GPATCH2: variants seen among roughly 807,000 people sequenced by gnomAD.
GPATCH2 encodes the protein G patch domain-containing protein 2.
In GPATCH2, 51 loss-of-function variants were observed where a neutral mutation model predicts 58.0. That is an observed-to-expected ratio of 0.88 (90% CI 0.70 to 1.11). GPATCH2 has a LOEUF of 1.11. Ranked by LOEUF, GPATCH2 falls within the 50% of genes most tolerant of loss-of-function variation. The pLI is 0.00. For missense variants in GPATCH2, 625 were observed against 652.2 expected, an observed-to-expected ratio of 0.96 and a Z score of 0.45; for synonymous variants, 222 against 218.5, an observed-to-expected ratio of 1.02 and a Z score of -0.14.
intron 5 of GPATCH2, among the ~76,000 whole-genome samples, chr1:217,553,619 A>G (rs1665466624): frequency 6.6e-6 from 1 of 152,164 alleles, no homozygotes; most frequent in Non-Finnish European, 1.5e-5. Context: ...TTTTTTGTAT[A>G]GTCTACATTA....
At chr1:217,610,224 C>T (rs745407661) in intron 5 of GPATCH2, 97 bp downstream of exon 5, 7 of 1,549,396 alleles carry the variant, frequency 4.5e-6, no homozygotes, top group Non-Finnish European at 6.2e-6. Flanking sequence ...TTAAGTTTAA[C>T]ATTAGAATAT....
intron 5 of GPATCH2, among the ~76,000 whole-genome samples, chr1:217,593,159 A>C (rs1444273141): frequency 6.6e-6 from 1 of 152,066 alleles, no homozygotes; most frequent in African/African-American, 2.4e-5. Context: ...TCTTAACTAG[A>C]AAAATGACTC....
At chr1:217,490,274 T>G (rs889263731) in intron 8 of GPATCH2, among the ~76,000 whole-genome samples, 3 of 152,214 alleles carry the variant, frequency 2.0e-5, no homozygotes, top group Non-Finnish European at 4.4e-5. Flanking sequence ...ATAATTTGCC[T>G]TTTCTCTTGA....
At chr1:217,552,430 T>C (rs1571906244) in intron 5 of GPATCH2, among the ~76,000 whole-genome samples, 2 of 152,270 alleles carry the variant, frequency 1.3e-5, no homozygotes, top group Middle Eastern at 3.4e-3. Flanking sequence ...AATTCAATAC[T>C]GGTTTACCTG....
chr1:217,477,433 T>C (rs1332053031), intron 8 of GPATCH2, among the ~76,000 whole-genome samples: 1 of 152,078 alleles, frequency 6.6e-6, no homozygotes, highest in African/African-American at 2.4e-5. Flanking sequence ...GGTCCCTGAT[T>C]CCAGAACTTG....
At chr1:217,472,647 T>C (rs571621421) in intron 8 of GPATCH2, among the ~76,000 whole-genome samples, 8 of 152,216 alleles carry the variant, frequency 5.3e-5, no homozygotes, top group Non-Finnish European at 1.2e-4. Context: ...TTTCTGGTGC[T>C]AACCAAAGGT....
At chr1:217,597,155 G>A (rs1469150919) in intron 5 of GPATCH2, among the ~76,000 whole-genome samples, 1 of 148,994 alleles carries the variant, frequency 6.7e-6, no homozygotes. Flanking sequence ...CAAGACCCCT[G>A]TCCCTACCAA....
rs140254548 is a variant in GPATCH2, at chr1:217,546,663, A to C, written c.1099-31774T>G. On this transcript the variant is annotated intron_variant, in intron 5 of 9. Transcript: ENST00000366935. The stretch of plus-strand genomic sequence containing the variant: ...ACATAAAAACTCTGGAAGACAACCT[A>C]AGCAATACTATTCAGGACATAGCCA... 6.6e-5 allele frequency among the ~76,000 whole-genome samples: 10 copies of C among 152,364 alleles called. No individual in the cohort carries two copies. In the East Asian group the frequency reaches 1.5e-3, roughly 24 times the overall value.
intron 8 of GPATCH2, among the ~76,000 whole-genome samples, chr1:217,466,149 G>GA (rs1345656343): frequency 1.3e-5 from 2 of 152,068 alleles, no homozygotes; most frequent in East Asian, 3.9e-4. Flanking sequence ...ACTTCCAGAG[G>GA]AAAAAACTAG....
intron 5 of GPATCH2, among the ~76,000 whole-genome samples, chr1:217,567,434 T>C (rs1169212666): frequency 2.0e-5 from 3 of 152,234 alleles, no homozygotes; most frequent in South Asian, 2.1e-4. Context: ...ATTAATGTAA[T>C]GTCTTATACA....
intron 8 of GPATCH2, among the ~76,000 whole-genome samples, chr1:217,481,148 C>T (rs1228415118): frequency 6.6e-6 from 1 of 152,108 alleles, no homozygotes; most frequent in South Asian, 2.1e-4. Flanking sequence ...TTTAAAATAA[C>T]AAGTCTAACT....
At chr1:217,452,212 C>A (rs1171764682) in intron 8 of GPATCH2, among the ~76,000 whole-genome samples, 1 of 152,200 alleles carries the variant, frequency 6.6e-6, no homozygotes, top group Non-Finnish European at 1.5e-5. Context: ...ATAGTTCAGA[C>A]ACTCACTTCC....
intron 5 of GPATCH2, among the ~76,000 whole-genome samples, chr1:217,534,170 C>T (rs971743332): frequency 2.6e-5 from 4 of 152,088 alleles, no homozygotes; most frequent in Non-Finnish European, 5.9e-5. Context: ...GAGCCAAGAT[C>T]ACGCCACTGC....
intron 8 of GPATCH2, among the ~76,000 whole-genome samples, chr1:217,469,957 G>C (rs544251738): frequency 3.3e-5 from 5 of 152,168 alleles, no homozygotes; most frequent in African/African-American, 9.6e-5. Context: ...TGTTTGTTTT[G>C]GGAAATATTC....
At chr1:217,546,339 C>T (rs914531220) in intron 5 of GPATCH2, among the ~76,000 whole-genome samples, 4 of 152,120 alleles carry the variant, frequency 2.6e-5, no homozygotes, top group Non-Finnish European at 5.9e-5. Flanking sequence ...CTGGAGACAT[C>T]ACACTACCCA....
chr1:217,432,507 G>A (rs1658589976), intron 9 of GPATCH2, among the ~76,000 whole-genome samples: 1 of 152,156 alleles, frequency 6.6e-6, no homozygotes, highest in East Asian at 1.9e-4. Context: ...GCTTGGGCTT[G>A]TCCTTGGCCT....
intron 5 of GPATCH2, among the ~76,000 whole-genome samples, chr1:217,540,419 A>C (rs1664680965): frequency 6.6e-6 from 1 of 152,236 alleles, no homozygotes; most frequent in Non-Finnish European, 1.5e-5. Context: ...CAGTTATTCA[A>C]CAAAACACTG....
At chr1:217,609,401 G>C in intron 5 of GPATCH2, 1 of 984,010 alleles carries the variant, frequency 1.0e-6, no homozygotes, top group Non-Finnish European at 1.2e-6. Context: ...TAATAATTTT[G>C]ATGTGTTTCA....
intron 5 of GPATCH2, among the ~76,000 whole-genome samples, chr1:217,575,478 T>C (rs1398957526): frequency 1.3e-5 from 2 of 152,126 alleles, no homozygotes; most frequent in African/African-American, 4.8e-5. Context: ...AATTTATTGG[T>C]CAAAATTCCA....
Sources: allele counts gnomAD v4.1 joint callset (sites outside exome capture counted in the v4.1 genomes callset), GRCh38; gene constraint gnomAD v4.1.1; transcripts MANE v1.5; gene names NCBI Gene and HGNC (gene_info 2026-07-23, HGNC 2026-07-21).